Variants in PCDHGA1 observed in about 807,000 individuals in gnomAD.
The protein encoded by PCDHGA1 is protocadherin gamma-A1.
In PCDHGA1, 32 loss-of-function variants were observed where a neutral mutation model predicts 58.0. The ratio of observed to expected loss-of-function variants is 0.55; its 90% CI spans 0.42 to 0.74. The LOEUF (loss-of-function observed/expected upper bound fraction) is 0.74, where lower values mean the gene tolerates loss of function less well. PCDHGA1 is among the 30% of genes least tolerant of loss of function. The pLI, the probability that PCDHGA1 is intolerant of heterozygous loss-of-function variation, is 0.00. For missense variants in PCDHGA1, 1,205 were observed against 1,182.3 expected, an observed-to-expected ratio of 1.02 and a Z score of -0.28; for synonymous variants, 498 against 501.1, an observed-to-expected ratio of 0.99 and a Z score of 0.08.
At chr5:141,481,747 T>A (rs1319673737) in intron 1 of PCDHGA1, among the ~76,000 whole-genome samples, 3 of 151,684 alleles carry the variant, frequency 2.0e-5, no homozygotes, top group African/African-American at 7.3e-5. Flanking sequence ...AGGTCAGGAG[T>A]CCAAGACCAG....
intron 2 of PCDHGA1, among the ~76,000 whole-genome samples, 199 bp downstream of exon 2, chr5:141,495,064 C>T (rs563712352): frequency 6.6e-6 from 1 of 152,296 alleles, no homozygotes; most frequent in South Asian, 2.1e-4. Context: ...GTTCAGGAAG[C>T]TCAATTCACA....
chr5:141,401,394 T>C (rs1444370873), intron 1 of PCDHGA1, among the ~76,000 whole-genome samples: 1 of 152,158 alleles, frequency 6.6e-6, no homozygotes, highest in Non-Finnish European at 1.5e-5. Context: ...CTACATGTTA[T>C]GTGTATGAGA....
At position 141,490,207 on chromosome 5, in the gene PCDHGA1, C is replaced by T. The variant is rs142098675; in HGVS notation, c.2422-4600C>T. On this transcript the variant is annotated intron_variant, in intron 1 of 3. Transcript: ENST00000517417. This position sits in a 1 kb window ranked among gnomAD's most constrained non-coding sequence, Gnocchi z 5.4. ...TTTCTATGAAATTCATGCAAGAGCC[C>T]GTGACCAGGGACAGCCTGCCATGGA... 41 of 1,614,056 alleles carry T rather than the reference C, an allele frequency of 2.5e-5. No homozygotes were observed. The highest frequency in any genetic ancestry group is 3.3e-4 in the Middle Eastern group (2 of 6,084).
In PCDHGA1 at chr5:141,351,102, C is replaced by T. The variant is rs1315943031; in HGVS notation, c.2421+17997C>T. 3 of 1,613,964 alleles carry T rather than the reference C, an allele frequency of 1.9e-6. No individual in the cohort carries two copies. In the African/African-American group the frequency reaches 4.0e-5, roughly 22 times the overall value. On this transcript the variant is annotated intron_variant, in intron 1 of 3. Coordinates refer to ENST00000517417, the MANE Select transcript of PCDHGA1 (RefSeq NM_018912.3). ...GAGATCACCTATGCCTTCCTCAATTCCCCAATAAGTACCAGCCTCTTCAAT... is the reference window on the plus strand; with the variant it reads ...GAGATCACCTATGCCTTCCTCAATTTCCCAATAAGTACCAGCCTCTTCAAT...
intron 1 of PCDHGA1, chr5:141,417,612 T>C: frequency 1.6e-6 from 1 of 617,852 alleles, no homozygotes; most frequent in Non-Finnish European, 2.6e-6. Flanking sequence ...CGTCGGCCAG[T>C]GCAGAGCAAG....
intron 1 of PCDHGA1, chr5:141,371,538 A>T: frequency 6.2e-7 from 1 of 1,613,804 alleles, no homozygotes; most frequent in Non-Finnish European, 8.5e-7. Context: ...TAATGGAGAA[A>T]TCCTATGCCA....
intron 1 of PCDHGA1, chr5:141,384,357 G>A (rs1226263341): frequency 1.2e-6 from 2 of 1,613,734 alleles, no homozygotes; most frequent in African/African-American, 2.7e-5. Flanking sequence ...ATAATGCCCA[G>A]ATCACTTATT....
At chr5:141,339,966 A>G in intron 1 of PCDHGA1, 1 of 1,614,190 alleles carries the variant, frequency 6.2e-7, no homozygotes, top group Non-Finnish European at 8.5e-7. Flanking sequence ...ACCAGAGCGA[A>G]GGTTATCGTC....
chr5:141,487,905 G>C lies in PCDHGA1; in HGVS notation c.2422-6902G>C. The C allele has an allele frequency of 1.5e-6, 1 of 686,388 alleles. No individual in the cohort carries two copies. 42.5% of individuals were successfully genotyped at this position (686,388 alleles called of 1,614,324 possible). On this transcript the variant is annotated intron_variant, in intron 1 of 3. Transcript: ENST00000517417. This position sits in a 1 kb window ranked among gnomAD's most constrained non-coding sequence, Gnocchi z 5.0. ...GTGGAAGCATGATGATGGAATGTGG[G>C]AGCACAGGAGGCTACAGTGCACAGG...
chr5:141,403,053 C>T (rs754618954), intron 1 of PCDHGA1: 2 of 1,614,076 alleles, frequency 1.2e-6, no homozygotes, highest in Non-Finnish European at 1.7e-6. Context: ...ATTCGCTACT[C>T]AGTGCCTGAA....
chr5:141,433,703 G>T (rs1561871157), intron 1 of PCDHGA1, among the ~76,000 whole-genome samples: 1 of 152,098 alleles, frequency 6.6e-6, no homozygotes, highest in Non-Finnish European at 1.5e-5. Flanking sequence ...CGGGCGTGGT[G>T]GTGCATGTCT....
At chr5:141,469,424 AC>A (rs1173507321) in intron 1 of PCDHGA1, among the ~76,000 whole-genome samples, 1 of 151,864 alleles carries the variant, frequency 6.6e-6, no homozygotes, top group East Asian at 1.9e-4. Context: ...AAAATATAAA[AC>A]TTAGCTGGGC....
chr5:141,383,820 A>T, intron 1 of PCDHGA1: 1 of 1,613,924 alleles, frequency 6.2e-7, no homozygotes, highest in East Asian at 2.2e-5. Context: ...TAGAAGGATT[A>T]GATTATGAAG....
At chr5:141,450,982 A>G (rs746572732) in intron 1 of PCDHGA1, among the ~76,000 whole-genome samples, 18 of 151,360 alleles carry the variant, frequency 1.2e-4, no homozygotes, top group Non-Finnish European at 1.9e-4. Context: ...GTGCCACCAC[A>G]CCCGGCTAAT....
intron 1 of PCDHGA1, among the ~76,000 whole-genome samples, chr5:141,462,086 A>G (rs993185274): frequency 6.6e-6 from 1 of 151,408 alleles, no homozygotes; most frequent in Non-Finnish European, 1.5e-5. Flanking sequence ...GCCTCCCAAA[A>G]TGCTGGGATT....
chr5:141,414,283 G>A, intron 1 of PCDHGA1: 1 of 1,613,520 alleles, frequency 6.2e-7, no homozygotes, highest in South Asian at 1.1e-5. Flanking sequence ...GGGAACAGTC[G>A]TAGCCCTTTT....
chr5:141,364,997 T>A, intron 1 of PCDHGA1: 1 of 1,613,852 alleles, frequency 6.2e-7, no homozygotes. Context: ...CCCGGTACTC[T>A]CCGGCACCAC....
chr5:141,366,958 A>G, intron 1 of PCDHGA1: 1 of 658,344 alleles, frequency 1.5e-6, no homozygotes, highest in Non-Finnish European at 2.4e-6. Flanking sequence ...TGTAGACTTA[A>G]GTGAAACAAA....
At chr5:141,459,075 G>T (rs562572838) in intron 1 of PCDHGA1, among the ~76,000 whole-genome samples, 1 of 152,134 alleles carries the variant, frequency 6.6e-6, no homozygotes, top group Non-Finnish European at 1.5e-5. Context: ...CATAAAATTT[G>T]CCTTTTAAAA....
Sources: allele counts gnomAD v4.1 joint callset (sites outside exome capture counted in the v4.1 genomes callset), GRCh38; gene constraint gnomAD v4.1.1; non-coding constraint Gnocchi (gnomAD v3.1); transcripts MANE v1.5; gene names NCBI Gene and HGNC (gene_info 2026-07-23, HGNC 2026-07-21).